CNOT4: variants seen among roughly 807,000 people sequenced by gnomAD.
CNOT4 encodes the protein CCR4-NOT transcription complex subunit 4.
In CNOT4, 8 loss-of-function variants were observed where a neutral mutation model predicts 73.8. The ratio of observed to expected loss-of-function variants is 0.11; its 90% CI spans 0.06 to 0.20. The LOEUF is 0.20. CNOT4 is among the 10% of genes least tolerant of loss of function. CNOT4 has a pLI of 1.00. For missense variants in CNOT4, 564 were observed against 883.4 expected (o/e 0.64, Z 4.58); for synonymous variants, 293 against 321.1 (o/e 0.91, Z 0.94).
chr7:135,412,534 A>G (rs1797643727), intron 6 of CNOT4, among the ~76,000 whole-genome samples: 1 of 151,928 alleles, frequency 6.6e-6, no homozygotes, highest in Admixed American at 6.6e-5. Context: ...TATCAGATAG[A>G]CCTTATTTTA....
intron 1 of CNOT4, among the ~76,000 whole-genome samples, chr7:135,450,697 AT>A (rs1415033117): frequency 1.3e-5 from 2 of 152,226 alleles, no homozygotes; most frequent in South Asian, 2.1e-4. Flanking sequence ...TGTGGTAAAA[AT>A]GTGCGTAAAC....
chr7:135,411,448 C>A (rs1016506863), intron 6 of CNOT4, among the ~76,000 whole-genome samples: 1 of 151,796 alleles, frequency 6.6e-6, no homozygotes, highest in Non-Finnish European at 1.5e-5. Context: ...TACTAACTGG[C>A]CTTTACAGAA....
rs1796644050 is a variant in CNOT4 at position 135,395,769 on chromosome 7, C to CT, written c.993dup (p.Glu332ArgfsTer32). The CT allele has an allele frequency of 6.2e-7, 1 of 1,614,032 alleles. No homozygotes were observed. The highest frequency in any genetic ancestry group is 8.5e-7 in the Non-Finnish European group (1 of 1,180,026). ...TTGTCTGAGAATAACGACTGTGACT[C>CT]TGTTACTGCCCCTTCAAAAGGGGAC... On this transcript the variant is annotated frameshift_variant, in exon 9 of 12. Transcript: ENST00000541284. LOFTEE classifies it high-confidence loss of function.
chr7:135,368,400 A>G (rs180726864), intron 10 of CNOT4, among the ~76,000 whole-genome samples: 7 of 152,324 alleles, frequency 4.6e-5, no homozygotes, highest in African/African-American at 1.4e-4. Flanking sequence ...GAATGCCTAC[A>G]GTGTACATGA....
chr7:135,506,868 A>G (rs1804410471), intron 1 of CNOT4, among the ~76,000 whole-genome samples: 2 of 152,014 alleles, frequency 1.3e-5, no homozygotes, highest in South Asian at 4.1e-4. Flanking sequence ...AAAAGAAAAG[A>G]AAAAGAAAGA....
chr7:135,378,151 C>T lies in CNOT4; in HGVS notation c.1628-14085G>A, dbSNP rs1048436349. Among the ~76,000 whole-genome samples the T allele has an allele frequency of 7.2e-5, 11 of 152,300 alleles. No homozygotes were observed. The South Asian group carries it at 1.9e-3, about 26-fold the overall frequency. ...AAAATTTTACAGTGCATTAGTCGTT[C>T]CCCAATCTGCTCCAAAATCCAGACA... On this transcript the variant is annotated intron_variant, in intron 10 of 11. Transcript: ENST00000541284.
At chr7:135,502,835 G>GA (rs923383041) in intron 1 of CNOT4, among the ~76,000 whole-genome samples, 6 of 139,112 alleles carry the variant, frequency 4.3e-5, no homozygotes, top group Admixed American at 1.4e-4. Context: ...AAAAAAAAAA[G>GA]AAAAAAAGAA....
At chr7:135,394,519 AG>A in intron 9 of CNOT4, 104 bp from the exon 10 acceptor site, 3 of 953,364 alleles carry the variant, frequency 3.1e-6, no homozygotes, top group Non-Finnish European at 4.8e-6. Context: ...TTACAAATTA[AG>A]TAAGTGCAAA....
chr7:135,445,189 C>T (rs1799745997), intron 1 of CNOT4, among the ~76,000 whole-genome samples: 1 of 152,134 alleles, frequency 6.6e-6, no homozygotes, highest in South Asian at 2.1e-4. Flanking sequence ...ATAAGACTCA[C>T]AGTATAGCTA....
chr7:135,496,064 T>C (rs1265899288), intron 1 of CNOT4, among the ~76,000 whole-genome samples: 1 of 152,194 alleles, frequency 6.6e-6, no homozygotes, highest in African/African-American at 2.4e-5. Flanking sequence ...TGGCCATTTT[T>C]ACAGTTATTT....
chr7:135,393,270 T>A (rs1796493925), intron 10 of CNOT4, among the ~76,000 whole-genome samples: 1 of 152,202 alleles, frequency 6.6e-6, no homozygotes, highest in African/African-American at 2.4e-5. Flanking sequence ...TACATTACCT[T>A]ATATATACTT....
rs1256992210 is a variant in CNOT4 at position 135,363,918 on chromosome 7, A to T, written c.1776T>A (p.Thr592=). 2.5e-6 allele frequency: 4 copies of T among 1,596,996 alleles called. No individual in the cohort carries two copies. Among genetic ancestry groups the T allele is most frequent in the Admixed American group, 1.7e-5 (1 of 59,814 alleles). ...NANHSAPTSN[T]ATTDSLSWDS... ...CCCAACTCAGGCTGTCGGTGGTGGCAGTGTTGGACGTTGGTGCACTGTGGT... is the reference window on the plus strand; with the variant it reads ...CCCAACTCAGGCTGTCGGTGGTGGCTGTGTTGGACGTTGGTGCACTGTGGT... The change falls in exon 11 of 12, where the codon ACT becomes ACA. Residue 592 remains threonine, a synonymous_variant. Transcript: ENST00000541284. This position sits in a 1 kb window ranked among gnomAD's most constrained non-coding sequence, Gnocchi z 4.3.
chr7:135,381,029 C>T (rs1280649706), intron 10 of CNOT4, among the ~76,000 whole-genome samples: 1 of 151,972 alleles, frequency 6.6e-6, no homozygotes, highest in Admixed American at 6.5e-5. Flanking sequence ...AAAAACATGA[C>T]CAGGGTGAAG....
Position 135,394,203 on chromosome 7 carries a change from C to T in CNOT4, c.1342G>A (p.Gly448Ser). Residue 448 changes from glycine to serine, a missense_variant, in exon 10 of 12, where the codon GGT becomes AGT. By Grantham distance (56) the Gly-to-Ser change is moderately conservative (BLOSUM62 0). Coordinates refer to ENST00000541284, the MANE Select transcript of CNOT4 (RefSeq NM_001190850.2). ...GGATGCAGGAATCCAGAGCCTGGAC[C>T]TTTGGCGGTTGTAGTGTGTGAAGAG... ...NSSSHTTTAK[G>S]PGSGFLHPAA... 6.2e-7 allele frequency: 1 copy of T among 1,614,154 alleles called. No individual in the cohort carries two copies. Among genetic ancestry groups the T allele is most frequent in the Non-Finnish European group, 8.5e-7 (1 of 1,180,014 alleles).
At chr7:135,462,111 A>G (rs1246838945) in intron 1 of CNOT4, among the ~76,000 whole-genome samples, 5 of 151,642 alleles carry the variant, frequency 3.3e-5, no homozygotes, top group Admixed American at 6.6e-5. Flanking sequence ...GAAGGAAAAA[A>G]GGTGAAAAAA....
At chr7:135,394,780 T>C (rs1238851545) in intron 9 of CNOT4, among the ~76,000 whole-genome samples, 1 of 152,210 alleles carries the variant, frequency 6.6e-6, no homozygotes, top group Non-Finnish European at 1.5e-5. Flanking sequence ...TTTTTAAATG[T>C]ATTTATCAAA....
chr7:135,417,157 G>T (rs1274803755), intron 3 of CNOT4, among the ~76,000 whole-genome samples: 1 of 152,020 alleles, frequency 6.6e-6, no homozygotes. Context: ...TATTACATAG[G>T]ATAAAATAGT....
chr7:135,485,643 AAAG>A (rs561533458), intron 1 of CNOT4, among the ~76,000 whole-genome samples: 363 of 150,010 alleles, frequency 2.4e-3, no homozygotes, highest in African/African-American at 8.2e-3. Flanking sequence ...CAATTCAATA[AAAG>A]AAGGACAGCC....
At chr7:135,451,380 A>G (rs943398923) in intron 1 of CNOT4, among the ~76,000 whole-genome samples, 1 of 152,010 alleles carries the variant, frequency 6.6e-6, no homozygotes, top group Admixed American at 6.6e-5. Context: ...TGCAGCATCC[A>G]CCTCCCGAGT....
Sources: allele counts gnomAD v4.1 joint callset (sites outside exome capture counted in the v4.1 genomes callset), GRCh38; gene constraint gnomAD v4.1.1; non-coding constraint Gnocchi (gnomAD v3.1); transcripts MANE v1.5; gene names NCBI Gene and HGNC (gene_info 2026-07-23, HGNC 2026-07-21).